Variants in MOXD1 observed in about 807,000 individuals in gnomAD.
MOXD1 encodes the protein monooxygenase DBH like 1, also known as DBH-like monooxygenase protein 1.
MOXD1 carries 62 observed loss-of-function variants against 66.6 expected under a neutral mutation model. The ratio of observed to expected loss-of-function variants is 0.93; its 90% confidence interval spans 0.76 to 1.15. The LOEUF is 1.15. Ranked by LOEUF, MOXD1 falls within the 50% of genes most tolerant of loss-of-function variation. The pLI, the probability that MOXD1 is intolerant of heterozygous loss-of-function variation, is 0.00. For synonymous variants in MOXD1, 303 were observed against 281.9 expected (o/e 1.07, Z -0.75); for missense variants, 847 against 754.6 (o/e 1.12, Z -1.44).
rs1775233203 is a variant in MOXD1, at chr6:132,328,298, C to T, written c.843+117G>A. On this transcript the variant is annotated intron_variant, in intron 5 of 11. Coordinates refer to ENST00000367963, the MANE Select transcript of MOXD1 (RefSeq NM_015529.4). The stretch of plus-strand genomic sequence containing the variant: ...CCTTCCTACGAAAATGGAGTTAAGC[C>T]ACCTTCATATCAAAAGTAGCGTTAA... 13 of 1,363,960 alleles carry T rather than the reference C, an allele frequency of 9.5e-6. No individual in the cohort carries two copies. The South Asian group carries it at 1.7e-4, about 18-fold the overall frequency. The allele number at this position is 1,363,960 out of a possible 1,614,324, so 84.5% of individuals were successfully genotyped here.
In MOXD1 at chr6:132,396,452, C is replaced by T. The variant is rs1170456282; in HGVS notation, c.264+4711G>A. Reference sequence around the variant, plus strand: ...AGTAGAAAGATTTCAAATAAATGATCTAATAATTCACCTAAAAAAAACTAG... The same window carrying T: ...AGTAGAAAGATTTCAAATAAATGATTTAATAATTCACCTAAAAAAAACTAG... On this transcript the variant is annotated intron_variant, in intron 1 of 11. Coordinates refer to ENST00000367963, the MANE Select transcript of MOXD1 (RefSeq NM_015529.4). Among the ~76,000 whole-genome samples, 5 of 151,602 alleles carry T rather than the reference C, an allele frequency of 3.3e-5. 1 individual carries two copies. In the East Asian group the frequency reaches 9.7e-4, roughly 29 times the overall value.
intron 1 of MOXD1, among the ~76,000 whole-genome samples, chr6:132,376,844 T>C (rs1776390180): frequency 6.6e-6 from 1 of 152,222 alleles, no homozygotes; most frequent in African/African-American, 2.4e-5. Context: ...CCAGGCCCTG[T>C]TTACACCTGT....
intron 4 of MOXD1, among the ~76,000 whole-genome samples, chr6:132,346,337 C>A (rs1163641432): frequency 6.6e-6 from 1 of 151,760 alleles, no homozygotes; most frequent in African/African-American, 2.4e-5. Flanking sequence ...ATGGTTTTGG[C>A]AATTTTAAAT....
chr6:132,379,082 C>CCATCAA (rs1776457688), intron 1 of MOXD1, among the ~76,000 whole-genome samples: 1 of 151,152 alleles, frequency 6.6e-6, no homozygotes, highest in African/African-American at 2.4e-5. Flanking sequence ...AAACTACACA[C>CCATCAA]CATCAACACT....
At chr6:132,330,263 G>A (rs1775288052) in intron 4 of MOXD1, among the ~76,000 whole-genome samples, 1 of 152,136 alleles carries the variant, frequency 6.6e-6, no homozygotes, top group Admixed American at 6.5e-5. Flanking sequence ...CTGTATTTAT[G>A]GCTGCTCCCC....
intron 4 of MOXD1, among the ~76,000 whole-genome samples, chr6:132,372,286 G>A (rs889521354): frequency 5.9e-5 from 9 of 152,022 alleles, no homozygotes; most frequent in African/African-American, 9.7e-5. Context: ...TTATCAATAC[G>A]TAAACATACT....
chr6:132,396,850 A>C (rs558259125), intron 1 of MOXD1, among the ~76,000 whole-genome samples: 1 of 152,218 alleles, frequency 6.6e-6, no homozygotes, highest in South Asian at 2.1e-4. Flanking sequence ...GAATAGACCA[A>C]CAATCAGTAA....
chr6:132,367,607 A>G (rs978585393), intron 4 of MOXD1, among the ~76,000 whole-genome samples: 3 of 152,082 alleles, frequency 2.0e-5, no homozygotes, highest in Admixed American at 6.6e-5. Flanking sequence ...GGAGTTTTCA[A>G]TGAAAAGTCA....
At chr6:132,303,833 GTGTATATATATA>G (rs1252545654) in intron 10 of MOXD1, among the ~76,000 whole-genome samples, 20 of 59,982 alleles carry the variant, frequency 3.3e-4, no homozygotes, top group Admixed American at 2.7e-3. Flanking sequence ...GTGTGTGTGT[GTGTATATATATA>G]TATATATATA....
Position 132,322,562 on chromosome 6 carries a change from T to G in MOXD1, c.1305+117A>C, listed in dbSNP as rs138677797. 8.5e-5 allele frequency: 84 copies of G among 991,390 alleles called. 1 individual carries two copies. In the Middle Eastern group the frequency reaches 1.3e-3, roughly 15 times the overall value. 61.4% of individuals were successfully genotyped at this position (991,390 alleles called of 1,614,324 possible). A position where few individuals can be genotyped will look rare whatever the true frequency, so the allele number is the denominator to read the frequency against. ...TGTACAACACCCACAGTGGGTGGTG[T>G]TAAGAATACAGATGCAAGGAAAAAT... On this transcript the variant is annotated intron_variant, in intron 8 of 11. Coordinates refer to ENST00000367963, the MANE Select transcript of MOXD1 (RefSeq NM_015529.4).
intron 1 of MOXD1, among the ~76,000 whole-genome samples, chr6:132,400,961 C>T (rs952162568): frequency 3.3e-5 from 5 of 152,224 alleles, no homozygotes; most frequent in African/African-American, 4.8e-5. Context: ...CATCCGTGCT[C>T]GGCTTCCCTA....
chr6:132,333,528 C>G (rs181122281), intron 4 of MOXD1, among the ~76,000 whole-genome samples: 1 of 151,858 alleles, frequency 6.6e-6, no homozygotes, highest in Non-Finnish European at 1.5e-5. Flanking sequence ...AGAAAGTATA[C>G]GAATATAGAT....
intron 1 of MOXD1, among the ~76,000 whole-genome samples, chr6:132,400,413 C>CTT (rs543777738): frequency 2.0e-5 from 3 of 147,430 alleles, no homozygotes; most frequent in African/African-American, 7.4e-5. Flanking sequence ...CTTCTTCTTC[C>CTT]TTTTTTTTTT....
chr6:132,338,563 T>C (rs752423884), intron 4 of MOXD1, among the ~76,000 whole-genome samples: 7 of 152,086 alleles, frequency 4.6e-5, no homozygotes, highest in Non-Finnish European at 8.8e-5. Flanking sequence ...AGCTTCTTCT[T>C]CCCTTGCCTT....
intron 1 of MOXD1, among the ~76,000 whole-genome samples, chr6:132,397,655 AAAGAAAG>A (rs1776920866): frequency 3.1e-5 from 4 of 127,508 alleles, no homozygotes; most frequent in African/African-American, 8.4e-5. Context: ...AGAAAGAAAG[AAAGAAAG>A]AAAGAAAGAA....
intron 4 of MOXD1, among the ~76,000 whole-genome samples, chr6:132,369,804 G>A (rs1389942570): frequency 6.6e-6 from 1 of 151,926 alleles, no homozygotes; most frequent in Non-Finnish European, 1.5e-5. Flanking sequence ...TACTCAAAAT[G>A]GCATGCAACT....
intron 4 of MOXD1, among the ~76,000 whole-genome samples, chr6:132,352,127 T>C (rs957499536): frequency 6.6e-6 from 1 of 152,154 alleles, no homozygotes; most frequent in Non-Finnish European, 1.5e-5. Flanking sequence ...TGTTTCCATT[T>C]CTTTTAGTTC....
At position 132,401,223 on chromosome 6, in the gene MOXD1, C is replaced by T. The variant is rs1369735508; in HGVS notation, c.204G>A (p.Gly68=). The change falls in exon 1 of 12, where the codon GGG becomes GGA. Residue 68 remains glycine (G), a synonymous_variant. Transcript: ENST00000367963. ...CGACGATGTCGGCGGACGCCATGGC[C>T]CCGGTGGGCGAGAAGCCGAAGCCCA... ...GYVGFGFSPT[G]AMASADIVVG... The T allele has an allele frequency of 1.3e-6, 2 of 1,576,086 alleles. No homozygotes were observed. Among genetic ancestry groups the T allele is most frequent in the South Asian group, 2.3e-5 (2 of 87,434 alleles).
intron 4 of MOXD1, among the ~76,000 whole-genome samples, chr6:132,365,912 G>A (rs1776111998): frequency 6.6e-6 from 1 of 152,002 alleles, no homozygotes; most frequent in Non-Finnish European, 1.5e-5. Flanking sequence ...TTCATCTCTT[G>A]TCTAGTAGAT....
Sources: allele counts gnomAD v4.1 joint callset (sites outside exome capture counted in the v4.1 genomes callset), GRCh38; gene constraint gnomAD v4.1.1; transcripts MANE v1.5; gene names NCBI Gene and HGNC (gene_info 2026-07-23, HGNC 2026-07-21).